Variants in BRD4 observed in about 807,000 individuals in gnomAD.
The protein encoded by BRD4 is bromodomain-containing protein 4.
A neutral mutation model predicts 142.1 loss-of-function variants in BRD4; 16 were observed. The ratio of observed to expected loss-of-function variants is 0.11; its 90% CI spans 0.08 to 0.17. BRD4 has a LOEUF of 0.17. BRD4 is among the 10% of genes least tolerant of loss of function. BRD4 has a pLI of 1.00. For missense variants in BRD4, 1,424 were observed against 1,810.9 expected (o/e 0.79, Z 3.88); for synonymous variants, 833 against 707.5 (o/e 1.18, Z -2.82).
At chr19:15,249,864 A>G (rs569469773) in intron 11 of BRD4, among the ~76,000 whole-genome samples, 2 of 152,260 alleles carry the variant, frequency 1.3e-5, no homozygotes, top group African/African-American at 4.8e-5. Flanking sequence ...GCATTCCTCC[A>G]GATCCCCCAA....
At chr19:15,240,465 G>C (rs1250668560) in intron 14 of BRD4, among the ~76,000 whole-genome samples, 1 of 152,208 alleles carries the variant, frequency 6.6e-6, no homozygotes, top group Non-Finnish European at 1.5e-5. Context: ...GGCCCACCTG[G>C]ATGATTGCAG....
At chr19:15,244,816 G>A (rs1310710983) in intron 11 of BRD4, 54 bp from the exon 12 acceptor site, 1 of 1,612,192 alleles carries the variant, frequency 6.2e-7, no homozygotes, top group East Asian at 2.2e-5. Flanking sequence ...TGAGTGAGCT[G>A]GCCTTGGATG....
intron 1 of BRD4, among the ~76,000 whole-genome samples, chr19:15,302,727 C>T (rs1189455223): frequency 6.8e-6 from 1 of 148,018 alleles, no homozygotes; most frequent in African/African-American, 2.5e-5. Context: ...TTTTCTGGGC[C>T]GGGCGCAGTG....
intron 1 of BRD4, among the ~76,000 whole-genome samples, chr19:15,319,646 C>G (rs1281624558): frequency 6.6e-6 from 1 of 151,838 alleles, no homozygotes; most frequent in East Asian, 1.9e-4. Context: ...TCAAAACCAT[C>G]AAGAGGCAGG....
intron 1 of BRD4, chr19:15,331,734 C>G (rs2048161145): frequency 6.6e-6 from 1 of 151,638 alleles, no homozygotes; most frequent in Admixed American, 6.6e-5. Flanking sequence ...AGAAGGAGAG[C>G]GCGCCGGCCC....
chr19:15,277,959 A>G (rs1039801383), intron 1 of BRD4, among the ~76,000 whole-genome samples: 2 of 151,606 alleles, frequency 1.3e-5, no homozygotes, highest in Non-Finnish European at 2.9e-5. Context: ...ACAAAAAATT[A>G]GCCAGGCATG....
chr19:15,264,859 G>T, intron 5 of BRD4, 93 bp from the exon 6 acceptor site: 1 of 1,516,212 alleles, frequency 6.6e-7, no homozygotes, highest in Non-Finnish European at 8.8e-7. Context: ...CCCTGTCTTG[G>T]GGCCCATCGC....
At position 15,237,591 on chromosome 19, in the gene BRD4, A is replaced by G. The variant is rs2047203483; in HGVS notation, c.*786T>C. The G allele has an allele frequency of 8.7e-6, 2 of 229,058 alleles. No homozygotes were observed. The highest frequency in any genetic ancestry group is 1.1e-4 in the Admixed American group (2 of 17,618). The allele number at this position is 229,058 out of a possible 1,614,324, so 14.2% of individuals were successfully genotyped here. ...TCTGGAGGAGAAGAGAGAATTAAAAATAAAATAGAATTCAACAAAAAATAT... is the reference window on the plus strand; with the variant it reads ...TCTGGAGGAGAAGAGAGAATTAAAAGTAAAATAGAATTCAACAAAAAATAT... On this transcript the variant is annotated 3_prime_UTR_variant, in exon 20 of 20. Coordinates refer to ENST00000679869, the MANE Select transcript of BRD4 (RefSeq NM_001379291.1).
In BRD4 at chr19:15,265,420, G is replaced by C. The variant is rs372448550; in HGVS notation, c.783C>G (p.Pro261=). Residue 261 remains proline (P), a synonymous_variant, in exon 5 of 20, where the codon CCC becomes CCG. Coordinates refer to ENST00000679869, the MANE Select transcript of BRD4 (RefSeq NM_001379291.1). The stretch of plus-strand genomic sequence containing the variant: ...TCTGTACGGGCTGGGGAGCTGGAGC[G>C]GGTGGGGGTTGTGGCTGGGGGGGCA... ...PPVPPQPQPP[P]APAPQPVQSH... is the part of the protein sequence containing the mutation. 6.4e-7 allele frequency: 1 copy of C among 1,556,116 alleles called. No individual in the cohort carries two copies. The highest frequency in any genetic ancestry group is 1.2e-5 in the South Asian group (1 of 81,784).
chr19:15,302,390 T>G (rs1238020827), intron 1 of BRD4, among the ~76,000 whole-genome samples: 1 of 152,116 alleles, frequency 6.6e-6, no homozygotes, highest in Non-Finnish European at 1.5e-5. Flanking sequence ...GAGTAACAGA[T>G]GTTCTCAGCC....
At chr19:15,331,215 C>T (rs2048154368) in intron 1 of BRD4, among the ~76,000 whole-genome samples, 1 of 152,196 alleles carries the variant, frequency 6.6e-6, no homozygotes, top group South Asian at 2.1e-4. Flanking sequence ...CCAGGAGAAG[C>T]ACATGACTCA....
chr19:15,254,026 C>A, intron 11 of BRD4, 126 bp downstream of exon 11: 1 of 806,012 alleles, frequency 1.2e-6, no homozygotes, highest in Admixed American at 2.2e-5. Context: ...GACAGACAGA[C>A]AGAGGAACCC....
chr19:15,247,678 T>C (rs928543091), intron 11 of BRD4: 3 of 232,806 alleles, frequency 1.3e-5, no homozygotes, highest in African/African-American at 2.2e-5. Flanking sequence ...AGCTCCCCAA[T>C]TGTCCTGTGG....
chr19:15,325,261 G>A (rs2048097455), intron 1 of BRD4, among the ~76,000 whole-genome samples: 1 of 152,218 alleles, frequency 6.6e-6, no homozygotes, highest in Non-Finnish European at 1.5e-5. Context: ...GCAGGGCCAG[G>A]ATTCTAACCG....
chr19:15,305,252 A>C, intron 1 of BRD4, among the ~76,000 whole-genome samples: 1 of 152,152 alleles, frequency 6.6e-6, no homozygotes, highest in East Asian at 1.9e-4. Flanking sequence ...CATGTTAGTC[A>C]GGCTGGTCTC....
intron 2 of BRD4, among the ~76,000 whole-genome samples, chr19:15,271,917 A>G (rs1003249336): frequency 6.7e-6 from 1 of 149,974 alleles, no homozygotes; most frequent in East Asian, 1.9e-4. Flanking sequence ...CCTACACACC[A>G]GTGGCTCTGG....
At chr19:15,299,607 A>G (rs2047851551) in intron 1 of BRD4, among the ~76,000 whole-genome samples, 1 of 152,180 alleles carries the variant, frequency 6.6e-6, no homozygotes, top group Admixed American at 6.5e-5. Flanking sequence ...AACTCTCAAT[A>G]TGGACACATG....
intron 11 of BRD4, among the ~76,000 whole-genome samples, chr19:15,250,288 C>A (rs1352239984): frequency 1.3e-5 from 2 of 152,204 alleles, no homozygotes; most frequent in African/African-American, 2.4e-5. Context: ...ATCTTCAAGT[C>A]TCTTCCTACT....
rs1425083602 is a variant in BRD4 at position 15,255,554 on chromosome 19, G to A, written c.1790C>T (p.Pro597Leu). The change falls in exon 10 of 20, where the codon CCC becomes CTC. Residue 597 changes from proline (P) to leucine (L), a missense_variant. Pro to Leu is a moderately conservative substitution (Grantham distance 98). This residue lies in a region of BRD4 where 86 missense variants were observed against 78.9 expected (regional missense o/e 1.09). Transcript: ENST00000679869. Reference protein sequence around the residue: ...EPAPMKSKPPPTYESEEEDKC... With the variant: ...EPAPMKSKPPLTYESEEEDKC... ...GTCCTCTTCCTCCGACTCATACGTG[G>A]GAGGGGGCTTGCTCTTCATGGGCGC... is the stretch of plus-strand genomic sequence containing the variant. 1.9e-6 allele frequency: 3 copies of A among 1,610,950 alleles called. No homozygotes were observed. The Admixed American group carries it at 5.0e-5, about 27-fold the overall frequency.
Sources: allele counts gnomAD v4.1 joint callset (sites outside exome capture counted in the v4.1 genomes callset), GRCh38; gene constraint gnomAD v4.1.1; regional missense constraint gnomAD v4.1.1; transcripts MANE v1.5; gene names NCBI Gene and HGNC (gene_info 2026-07-23, HGNC 2026-07-21).